The following STXBP3 variants were observed in gnomAD, a reference collection of about 807,000 sequenced individuals.
STXBP3 encodes the protein syntaxin binding protein 3.
Under a neutral mutation model 85.7 loss-of-function variants are expected in STXBP3, and 41 were observed. The ratio of observed to expected loss-of-function variants is 0.48; its 90% CI spans 0.37 to 0.62. The LOEUF (loss-of-function observed/expected upper bound fraction) is 0.62. Ranked by LOEUF, STXBP3 falls within the 20% of genes least tolerant of loss-of-function variation. The pLI is 0.00. For synonymous variants in STXBP3, 229 were observed against 231.7 expected, an observed-to-expected ratio of 0.99 and a Z score of 0.10; for missense variants, 563 against 703.1, an observed-to-expected ratio of 0.80 and a Z score of 2.25.
intron 11 of STXBP3, among the ~76,000 whole-genome samples, chr1:108,793,221 T>A (rs1233108928): frequency 3.4e-5 from 5 of 148,430 alleles, no homozygotes; most frequent in African/African-American, 1.2e-4. Context: ...TTGAACTGTA[T>A]TTCCTTTCAG....
Position 108,796,286 on chromosome 1 carries a change from G to A in STXBP3, c.1163G>A (p.Arg388Gln). ...GGACAGAAGGTGAAAGATTCCATGCGAGTACTCCTTCCAGTTCTACTCAAC... is the reference window on the plus strand; with the variant it reads ...GGACAGAAGGTGAAAGATTCCATGCAAGTACTCCTTCCAGTTCTACTCAAC... Reference protein sequence around the residue: ...AEGQKVKDSMRVLLPVLLNKN... With the variant: ...AEGQKVKDSMQVLLPVLLNKN... The change falls in exon 14 of 19, where the codon CGA becomes CAA. Residue 388 changes from arginine to glutamine, a missense_variant. Around this residue, in one of 3 missense-constraint regions of STXBP3, gnomAD observed 494 missense variants for 592.8 expected, o/e 0.83. Coordinates refer to ENST00000370008, the MANE Select transcript of STXBP3 (RefSeq NM_007269.4). 3 of 1,613,692 alleles carry A rather than the reference G, an allele frequency of 1.9e-6. No homozygotes were observed. The highest frequency in any genetic ancestry group is 1.7e-6 in the Non-Finnish European group (2 of 1,179,710).
intron 7 of STXBP3, among the ~76,000 whole-genome samples, chr1:108,773,044 G>A (rs746973708): frequency 3.9e-5 from 6 of 152,124 alleles, no homozygotes; most frequent in East Asian, 1.9e-4. Context: ...ATTTACGGAC[G>A]GTTTTTCATC....
chr1:108,808,919 G>C lies in STXBP3; in HGVS notation c.*42G>C. 2 of 1,323,514 alleles carry C rather than the reference G, an allele frequency of 1.5e-6. No individual in the cohort carries two copies. The highest frequency in any genetic ancestry group is 2.1e-6 in the Non-Finnish European group (2 of 946,804). The allele number at this position is 1,323,514 out of a possible 1,614,324, so 82.0% of individuals were successfully genotyped here. On this transcript the variant is annotated 3_prime_UTR_variant, in exon 19 of 19. Coordinates refer to ENST00000370008, the MANE Select transcript of STXBP3 (RefSeq NM_007269.4). ...GTTTAGAGATTCTTACTAATATGTT[G>C]AACTAAAATAGAAAGAAAATGTTGC... is the stretch of plus-strand genomic sequence containing the variant.
chr1:108,769,162 C>T (rs1767018), intron 6 of STXBP3, among the ~76,000 whole-genome samples: 110,377 of 151,874 alleles, frequency 0.73, 41,138 homozygotes, highest in African/African-American at 0.78. Flanking sequence ...ATTAAGAAAA[C>T]CAAAAGGAAG....
At chr1:108,755,685 T>TA in intron 3 of STXBP3, among the ~76,000 whole-genome samples, 1 of 152,278 alleles carries the variant, frequency 6.6e-6, no homozygotes, top group African/African-American at 2.4e-5. Flanking sequence ...CCAAACAAAA[T>TA]AATATGTATA....
chr1:108,799,222 A>G (rs986237258), intron 16 of STXBP3, among the ~76,000 whole-genome samples: 1 of 152,218 alleles, frequency 6.6e-6, no homozygotes, highest in Non-Finnish European at 1.5e-5. Flanking sequence ...TTATTCACAC[A>G]TGCTTAAACA....
At chr1:108,789,326 G>C (rs1662926890) in intron 11 of STXBP3, among the ~76,000 whole-genome samples, 1 of 151,910 alleles carries the variant, frequency 6.6e-6, no homozygotes, top group South Asian at 2.1e-4. Context: ...ATGTTTTTGT[G>C]ATTTTTTTTT....
At chr1:108,749,187 A>G (rs1227959497) in intron 1 of STXBP3, among the ~76,000 whole-genome samples, 3 of 152,194 alleles carry the variant, frequency 2.0e-5, no homozygotes, top group Non-Finnish European at 4.4e-5. Context: ...AGGGAGAACA[A>G]TCAATATGCC....
intron 6 of STXBP3, among the ~76,000 whole-genome samples, chr1:108,766,590 A>C (rs1357979655): frequency 6.6e-6 from 1 of 152,202 alleles, no homozygotes; most frequent in Non-Finnish European, 1.5e-5. Context: ...ATATTTCTTC[A>C]AGTTTTCTGG....
chr1:108,795,138 G>A (rs1049474816), intron 13 of STXBP3, among the ~76,000 whole-genome samples: 2 of 151,950 alleles, frequency 1.3e-5, no homozygotes, highest in African/African-American at 4.8e-5. Flanking sequence ...TATATTTTTT[G>A]TTTAATGGAA....
chr1:108,747,054 C>T (rs1291041520), intron 1 of STXBP3, among the ~76,000 whole-genome samples: 1 of 152,062 alleles, frequency 6.6e-6, no homozygotes, highest in African/African-American at 2.4e-5. Context: ...GAAGCTCCGC[C>T]CCGGGTGAGC....
chr1:108,785,708 T>C (rs1029127100), intron 11 of STXBP3, among the ~76,000 whole-genome samples: 1 of 152,168 alleles, frequency 6.6e-6, no homozygotes, highest in African/African-American at 2.4e-5. Context: ...TGTCACCTCT[T>C]GAATAAATGA....
chr1:108,806,725 A>T (rs1193221583), intron 17 of STXBP3, among the ~76,000 whole-genome samples: 1 of 152,000 alleles, frequency 6.6e-6, no homozygotes, highest in East Asian at 1.9e-4. Flanking sequence ...TCCCCTTCAC[A>T]TCTTCAAAAC....
At chr1:108,781,598 A>T (rs6697576) in intron 9 of STXBP3, 57,669 of 151,848 alleles carry the variant, frequency 0.38, 11,363 homozygotes, top group Middle Eastern at 0.48. Flanking sequence ...TGTAAAGGAG[A>T]TGTGGTTATA....
chr1:108,761,204 C>G (rs571770568), intron 6 of STXBP3, among the ~76,000 whole-genome samples: 1 of 152,158 alleles, frequency 6.6e-6, no homozygotes, highest in South Asian at 2.1e-4. Context: ...CCACGCCCAG[C>G]TGATACTGCT....
chr1:108,754,074 C>A (rs1661967818), intron 3 of STXBP3, among the ~76,000 whole-genome samples: 1 of 144,862 alleles, frequency 6.9e-6, no homozygotes, highest in South Asian at 2.2e-4. Flanking sequence ...ACTCTGTCAC[C>A]CAGGCTGGAG....
intron 5 of STXBP3, 96 bp downstream of exon 5, chr1:108,758,684 A>G (rs1662069257): frequency 1.9e-6 from 1 of 525,578 alleles, no homozygotes; most frequent in Non-Finnish European, 3.2e-6. Flanking sequence ...TCATTAAAGT[A>G]TCTACTTTTT....
rs201346701 is a variant in STXBP3 at position 108,807,257 on chromosome 1, C to CAA, written c.1536-121_1536-120dup. On this transcript the variant is annotated intron_variant, in intron 17 of 18. Transcript: ENST00000370008. ...TGGGCTACAAAGTGAGACTCCACCT[C>CAA]AAAAAAAAAAAAAAAAAAAAAAAAT... 6.9e-3 allele frequency: 4,770 copies of CAA among 693,126 alleles called. 18 individuals are homozygous for CAA. Among genetic ancestry groups the CAA allele is most frequent in the African/African-American group, 0.02 (748 of 37,746 alleles). 42.9% of individuals were successfully genotyped at this position (693,126 alleles called of 1,614,324 possible).
rs1183898462 is a variant in STXBP3 at position 108,809,369 on chromosome 1, C to G, written c.*492C>G. ...CAGTTTATGTGTAAAATAATTCAGT[C>G]ATTAATAGAAATGGAGTGATTTCAC... On this transcript the variant is annotated 3_prime_UTR_variant, in exon 19 of 19. Transcript: ENST00000370008. The G allele has an allele frequency of 2.0e-5, 3 of 153,006 alleles. No individual in the cohort carries two copies. Among genetic ancestry groups the G allele is most frequent in the Non-Finnish European group, 4.4e-5 (3 of 68,440 alleles). The allele number at this position is 153,006 out of a possible 1,614,324, so 9.5% of individuals were successfully genotyped here. A position where few individuals can be genotyped will look rare whatever the true frequency, so the allele number is the denominator to read the frequency against.
Sources: allele counts gnomAD v4.1 joint callset (sites outside exome capture counted in the v4.1 genomes callset), GRCh38; gene constraint gnomAD v4.1.1; regional missense constraint gnomAD v4.1.1; transcripts MANE v1.5; gene names NCBI Gene and HGNC (gene_info 2026-07-23, HGNC 2026-07-21).